The following ZNF385D variants were observed in gnomAD, a reference collection of about 807,000 sequenced individuals.
ZNF385D encodes zinc finger protein 659.
Under a neutral mutation model 35.8 loss-of-function variants are expected in ZNF385D, and 15 were observed. That is an observed-to-expected ratio of 0.42 (90% CI 0.28 to 0.64). The LOEUF is 0.64. Ranked by LOEUF, ZNF385D falls within the 30% of genes least tolerant of loss-of-function variation. The pLI is 0.23. For missense variants in ZNF385D, 474 were observed against 494.6 expected, an observed-to-expected ratio of 0.96 and a Z score of 0.39; for synonymous variants, 212 against 186.8, an observed-to-expected ratio of 1.13 and a Z score of -1.10.
At chr3:22,197,233 AG>A (rs2125236178) in intron 2 of ZNF385D, among the ~76,000 whole-genome samples, 1 of 152,146 alleles carries the variant, frequency 6.6e-6, no homozygotes, top group Admixed American at 6.6e-5. Flanking sequence ...TGGCAGTAGG[AG>A]AAAATTCTTG....
At chr3:22,339,235 C>T (rs1188239393) in intron 2 of ZNF385D, among the ~76,000 whole-genome samples, 1 of 152,068 alleles carries the variant, frequency 6.6e-6, no homozygotes, top group Non-Finnish European at 1.5e-5. Context: ...AATATAAAAG[C>T]TTGCCACCAT....
chr3:22,153,111 T>C (rs1705354527), intron 3 of ZNF385D, among the ~76,000 whole-genome samples: 4 of 152,116 alleles, frequency 2.6e-5, no homozygotes, highest in Admixed American at 2.6e-4. Flanking sequence ...TTCTACATGG[T>C]TATTGGGCTC....
At chr3:22,011,870 A>G (rs998747095) in intron 3 of ZNF385D, among the ~76,000 whole-genome samples, 5 of 152,142 alleles carry the variant, frequency 3.3e-5, no homozygotes, top group Admixed American at 2.6e-4. Flanking sequence ...TCATGCTACT[A>G]TTCTACATAC....
chr3:21,464,831 G>A (rs1226611104), intron 4 of ZNF385D, among the ~76,000 whole-genome samples: 4 of 151,244 alleles, frequency 2.6e-5, no homozygotes, highest in South Asian at 2.1e-4. Flanking sequence ...AAGATGCGTA[G>A]CCTATTAAAT....
intron 1 of ZNF385D, among the ~76,000 whole-genome samples, chr3:21,703,616 G>A (rs1378872295): frequency 6.6e-6 from 1 of 151,544 alleles, no homozygotes; most frequent in Admixed American, 6.6e-5. Flanking sequence ...AAATAAAAAA[G>A]CAGTTACTGC....
chr3:22,172,341 A>G (rs998678851), intron 2 of ZNF385D, among the ~76,000 whole-genome samples: 1 of 152,262 alleles, frequency 6.6e-6, no homozygotes. Context: ...ACTCACAGGA[A>G]TAATTAAAAT....
chr3:21,716,848 G>A (rs1431994465), intron 1 of ZNF385D, among the ~76,000 whole-genome samples: 1 of 152,174 alleles, frequency 6.6e-6, no homozygotes, highest in South Asian at 2.1e-4. Flanking sequence ...TTCCAGGCTG[G>A]TGCGGTGGCT....
chr3:22,125,134 A>G (rs977757325), intron 3 of ZNF385D, among the ~76,000 whole-genome samples: 1 of 152,100 alleles, frequency 6.6e-6, no homozygotes, highest in Non-Finnish European at 1.5e-5. Context: ...TTTTGCATAC[A>G]TATGTTCAGT....
In ZNF385D at chr3:21,800,037, G is replaced by C. The variant is rs1443376998; in HGVS notation, c.326-135009C>G. On this transcript the variant is annotated intron_variant, in intron 3 of 5. Transcript: ENST00000494108. ...TTTCCAAAGATTATTCTTTATTCTT[G>C]TTAAAAATCAGCCAAAGATTTATGG... 2.0e-5 allele frequency among the ~76,000 whole-genome samples: 3 copies of C among 152,036 alleles called. 1 individual carries two copies. Among genetic ancestry groups the C allele is most frequent in the African/African-American group, 4.8e-5 (2 of 41,414 alleles).
At chr3:21,636,781 T>C (rs1029511827) in intron 2 of ZNF385D, among the ~76,000 whole-genome samples, 5 of 151,952 alleles carry the variant, frequency 3.3e-5, no homozygotes, top group East Asian at 3.9e-4. Flanking sequence ...TCCAATCAAG[T>C]TGACACTCAG....
rs917216447 is a variant in ZNF385D at position 21,820,307 on chromosome 3, T to C, written c.326-155279A>G. ...CAAGACAATTAAAAATAAATGGAGA[T>C]AAATAAAAAGAAGAACCAACATAAG... On this transcript the variant is annotated intron_variant, in intron 3 of 5. Transcript: ENST00000494108. Among the ~76,000 whole-genome samples the C allele has an allele frequency of 3.3e-5, 5 of 151,234 alleles. 1 individual carries two copies. Among genetic ancestry groups the C allele is most frequent in the Admixed American group, 6.6e-5 (1 of 15,206 alleles).
At chr3:22,075,177 A>G (rs780382917) in intron 3 of ZNF385D, among the ~76,000 whole-genome samples, 27 of 151,952 alleles carry the variant, frequency 1.8e-4, no homozygotes, top group Admixed American at 5.3e-4. Context: ...ACCAGAGTTG[A>G]GACCACTTAT....
At chr3:21,428,938 T>C (rs1026500935) in intron 5 of ZNF385D, among the ~76,000 whole-genome samples, 2 of 146,530 alleles carry the variant, frequency 1.4e-5, no homozygotes, top group Non-Finnish European at 3.0e-5. Context: ...AAATCCTTTT[T>C]TTTTTTTGCT....
chr3:21,939,403 T>G (rs1217748176), intron 3 of ZNF385D, among the ~76,000 whole-genome samples: 1 of 152,144 alleles, frequency 6.6e-6, no homozygotes, highest in East Asian at 1.9e-4. Context: ...CAAAACATAG[T>G]TTGACCTGAC....
At chr3:21,521,568 C>G (rs1193578583) in intron 3 of ZNF385D, among the ~76,000 whole-genome samples, 1 of 151,770 alleles carries the variant, frequency 6.6e-6, no homozygotes, top group Non-Finnish European at 1.5e-5. Flanking sequence ...GCTTGGGCAA[C>G]AAAGCAAAAC....
At chr3:22,256,559 G>A (rs1700328805) in intron 2 of ZNF385D, among the ~76,000 whole-genome samples, 1 of 151,768 alleles carries the variant, frequency 6.6e-6, no homozygotes, top group Admixed American at 6.6e-5. Context: ...TAAGGCATGA[G>A]GTGGCAATAT....
At chr3:21,653,035 C>T (rs1352821176) in intron 2 of ZNF385D, among the ~76,000 whole-genome samples, 1 of 151,988 alleles carries the variant, frequency 6.6e-6, no homozygotes, top group African/African-American at 2.4e-5. Flanking sequence ...TGTGGTCTCC[C>T]AGTCTATGTT....
intron 3 of ZNF385D, among the ~76,000 whole-genome samples, chr3:21,903,225 G>A (rs1348254967): frequency 2.0e-5 from 3 of 152,010 alleles, no homozygotes; most frequent in African/African-American, 7.3e-5. Context: ...CTAGCCTTAG[G>A]GCAGAAACCG....
At chr3:21,623,350 G>A (rs952423740) in intron 2 of ZNF385D, among the ~76,000 whole-genome samples, 6 of 152,036 alleles carry the variant, frequency 3.9e-5, no homozygotes, top group African/African-American at 1.2e-4. Flanking sequence ...AAAAACATTT[G>A]TTTTTGTTTT....
Sources: gnomAD v4.1 joint callset for allele counts (sites outside exome capture counted in the v4.1 genomes callset) on GRCh38, gnomAD v4.1.1 for gene constraint, MANE v1.5 for transcripts, NCBI Gene and HGNC (gene_info 2026-07-23, HGNC 2026-07-21) for gene names.